Variants in DIDO1 observed in about 807,000 individuals in gnomAD.
DIDO1 encodes death inducer-obliterator 1.
DIDO1 carries 16 observed loss-of-function variants against 99.4 expected under a neutral mutation model. The observed-to-expected ratio is 0.16, with a 90% CI of 0.11 to 0.24. The LOEUF is 0.24. Among genes scored for constraint, DIDO1 ranks in the 10% least tolerant of loss-of-function variants. The pLI is 1.00. For synonymous variants in DIDO1, 1,366 were observed against 1,239.1 expected (o/e 1.10, Z -2.15); for missense variants, 2,996 against 3,014.0 (o/e 0.99, Z 0.14).
chr20:62,897,559 G>A (rs1196378789), intron 6 of DIDO1, among the ~76,000 whole-genome samples: 3 of 152,326 alleles, frequency 2.0e-5, no homozygotes, highest in South Asian at 2.1e-4. Flanking sequence ...AGGAAGAGCA[G>A]CCACACCTTT....
chr20:62,935,507 A>G (rs2147616847), intron 1 of DIDO1, among the ~76,000 whole-genome samples: 1 of 152,302 alleles, frequency 6.6e-6, no homozygotes, highest in East Asian at 1.9e-4. Context: ...CACTCAATCC[A>G]GCTTTGTTAG....
chr20:62,915,431 G>A (rs2065020705), intron 1 of DIDO1, among the ~76,000 whole-genome samples: 1 of 152,174 alleles, frequency 6.6e-6, no homozygotes, highest in African/African-American at 2.4e-5. Context: ...AGAAACGACT[G>A]CTCAGAAAAC....
Position 62,879,184 on chromosome 20 carries a change from G to C in DIDO1, c.*49C>G, listed in dbSNP as rs1319913348. ...CTATTTCAAAAGCTATTTGTTCAAC[G>C]CATCTTACGAACGTGGCTTTAAAAA... On this transcript the variant is annotated 3_prime_UTR_variant, in exon 16 of 16. Coordinates refer to ENST00000395343, the MANE Select transcript of DIDO1 (RefSeq NM_001193369.2). The surrounding 1 kb of genome is among the most constrained non-coding windows in gnomAD (Gnocchi z 6.3). 3.5e-6 allele frequency: 5 copies of C among 1,413,700 alleles called. No homozygotes were observed. In the African/African-American group the frequency reaches 4.4e-5, roughly 12 times the overall value. 87.6% of individuals were successfully genotyped at this position (1,413,700 alleles called of 1,614,324 possible).
chr20:62,911,587 T>A lies in DIDO1; in HGVS notation c.26A>T (p.Asn9Ile). ...TTTGATGGCCTTAGGTGCCTCCTCA[T>A]TGCTCGGGTCGCCTTTGTCGTCCAT... The part of the protein sequence containing the change: MDDKGDPS[N>I]EEAPKAIKPT... The change falls in exon 3 of 16, where the codon AAT becomes ATT. Residue 9 changes from asparagine to isoleucine, a missense_variant. Transcript: ENST00000395343. This position sits in a 1 kb window ranked among gnomAD's most constrained non-coding sequence, Gnocchi z 7.0. The A allele has an allele frequency of 6.3e-7, 1 of 1,593,160 alleles. No homozygotes were observed. The highest frequency in any genetic ancestry group is 8.6e-7 in the Non-Finnish European group (1 of 1,167,760).
chr20:62,926,650 G>T (rs1022315924), upstream of DIDO1: 2 of 152,236 alleles, frequency 1.3e-5, no homozygotes, highest in African/African-American at 2.4e-5. Context: ...CTGCACTCCG[G>T]ACGCGCCCTT....
chr20:62,936,233 C>T, intron 1 of DIDO1, among the ~76,000 whole-genome samples: 1 of 151,872 alleles, frequency 6.6e-6, no homozygotes, highest in East Asian at 1.9e-4. Context: ...GGCAAGAAGG[C>T]AAGACCCCGT....
At chr20:62,903,253 CAG>C (rs1362493709) in intron 6 of DIDO1, among the ~76,000 whole-genome samples, 1 of 152,208 alleles carries the variant, frequency 6.6e-6, no homozygotes, top group Admixed American at 6.5e-5. Flanking sequence ...CTAGCAATGG[CAG>C]AGTGTCTGTG....
At chr20:62,892,722 A>T in intron 13 of DIDO1, 87 bp downstream of exon 13, 3 of 1,480,850 alleles carry the variant, frequency 2.0e-6, no homozygotes, top group Non-Finnish European at 2.7e-6. Context: ...TACCTCATGA[A>T]TTAAGGGAGA....
intron 6 of DIDO1, among the ~76,000 whole-genome samples, chr20:62,899,974 C>T (rs2064627295): frequency 6.6e-6 from 1 of 152,228 alleles, no homozygotes; most frequent in Non-Finnish European, 1.5e-5. Context: ...TTTGCAAGTT[C>T]ATCCAAATTT....
chr20:62,884,107 A>T (rs1191641435), intron 15 of DIDO1, among the ~76,000 whole-genome samples: 1 of 152,190 alleles, frequency 6.6e-6, no homozygotes, highest in Non-Finnish European at 1.5e-5. Context: ...GACAGACACC[A>T]CGCTCACGTA....
Position 62,881,285 on chromosome 20 carries a change from G to A in DIDO1, c.4671C>T (p.His1557=). Residue 1557 remains histidine (H), a synonymous_variant, in exon 16 of 16, where the codon CAC becomes CAT. Transcript: ENST00000395343. The surrounding 1 kb of genome is among the most constrained non-coding windows in gnomAD (Gnocchi z 8.3). ...GGCGCCTCGCCTGCCGGGGGTCCCT[G>A]TGGTTTGACGCCTGGCTGGCGGGGG... The part of the protein sequence containing the change: ...SLPPASQASN[H]RDPRQARRLA... 1 of 1,605,082 alleles carries A rather than the reference G, an allele frequency of 6.2e-7. No individual in the cohort carries two copies. Among genetic ancestry groups the A allele is most frequent in the Non-Finnish European group, 8.5e-7 (1 of 1,179,686 alleles).
chr20:62,893,633 T>A, intron 12 of DIDO1, 33 bp downstream of exon 12: 1 of 1,518,010 alleles, frequency 6.6e-7, no homozygotes. Flanking sequence ...AAAAAAAAGT[T>A]TGGCTTGTTC....
In DIDO1 at chr20:62,909,397, G is replaced by T. The variant is rs1395794666; in HGVS notation, c.1161+302C>A. On this transcript the variant is annotated intron_variant, in intron 4 of 15. Coordinates refer to ENST00000395343, the MANE Select transcript of DIDO1 (RefSeq NM_001193369.2). Reference sequence around the variant, plus strand: ...GCTGGAGACAGCAGGTGACACAGGAGCACCGCCACTCCCATCGTTCAGAAA... The same window carrying T: ...GCTGGAGACAGCAGGTGACACAGGATCACCGCCACTCCCATCGTTCAGAAA... Among the ~76,000 whole-genome samples the T allele has an allele frequency of 4.6e-5, 7 of 152,362 alleles. No individual in the cohort carries two copies. In the East Asian group the frequency reaches 1.2e-3, roughly 25 times the overall value.
chr20:62,922,054 A>G (rs982349497), intron 1 of DIDO1, among the ~76,000 whole-genome samples: 6 of 148,972 alleles, frequency 4.0e-5, no homozygotes, highest in African/African-American at 1.5e-4. Context: ...CACACAATAT[A>G]TATATACACA....
intron 5 of DIDO1, among the ~76,000 whole-genome samples, chr20:62,906,382 T>A (rs1173474587): frequency 3.3e-5 from 5 of 152,122 alleles, no homozygotes; most frequent in African/African-American, 1.2e-4. Flanking sequence ...AGGTGCCAAG[T>A]TGCCAAGATG....
chr20:62,936,084 A>G (rs1305713157), intron 1 of DIDO1, among the ~76,000 whole-genome samples: 2 of 152,200 alleles, frequency 1.3e-5, no homozygotes, highest in African/African-American at 4.8e-5. Context: ...CTAGCACTCA[A>G]GCTTTCTGCT....
chr20:62,910,103 ACTTCATG>A, intron 3 of DIDO1, 83 bp from the exon 4 acceptor site: 1 of 1,414,494 alleles, frequency 7.1e-7, no homozygotes. Context: ...ATTGGTTTTA[ACTTCATG>A]AAAAAATGCA....
intron 15 of DIDO1, chr20:62,889,430 A>T (rs2064354712): frequency 2.0e-6 from 2 of 985,458 alleles, no homozygotes; most frequent in Non-Finnish European, 2.4e-6. Flanking sequence ...TCAAGAAAGG[A>T]TGAAATATCG....
In DIDO1 at chr20:62,893,780, T is replaced by C. The variant is rs2064451987; in HGVS notation, c.2987A>G (p.Gln996Arg). ...PDSTHMVEAR[Q>R]DVPKPVLTSV... ...AGTCAAGACAGGCTTCGGCACATCC[T>C]GTCTGGCTTCCACCATGTGGGTGCT... Residue 996 changes from glutamine (Q) to arginine (R), a missense_variant, in exon 12 of 16, where the codon CAG becomes CGG. Gln to Arg is a conservative substitution (Grantham distance 43). Coordinates refer to ENST00000395343, the MANE Select transcript of DIDO1 (RefSeq NM_001193369.2). 2 of 1,614,092 alleles carry C rather than the reference T, an allele frequency of 1.2e-6. No homozygotes were observed. Among genetic ancestry groups the C allele is most frequent in the Non-Finnish European group, 1.7e-6 (2 of 1,180,060 alleles).
Sources: gnomAD v4.1 joint callset for allele counts (sites outside exome capture counted in the v4.1 genomes callset) on GRCh38, gnomAD v4.1.1 for gene constraint, Gnocchi (gnomAD v3.1) non-coding constraint, MANE v1.5 for transcripts, NCBI Gene and HGNC (gene_info 2026-07-23, HGNC 2026-07-21) for gene names.